RPS6KC1: variants seen among roughly 807,000 people sequenced by gnomAD.
RPS6KC1 encodes inactive ribosomal protein S6 kinase delta-1.
Under a neutral mutation model 103.8 loss-of-function variants are expected in RPS6KC1, and 54 were observed. The observed-to-expected ratio is 0.52, with a 90% CI of 0.42 to 0.65. The LOEUF (loss-of-function observed/expected upper bound fraction) is 0.65. Among genes scored for constraint, RPS6KC1 ranks in the 30% least tolerant of loss-of-function variants. The pLI is 0.00. For missense variants in RPS6KC1, 1,151 were observed against 1,253.8 expected (o/e 0.92, Z 1.24); for synonymous variants, 439 against 438.7 (o/e 1.00, Z -0.01).
the RPS6KC1 span, among the ~76,000 whole-genome samples, chr1:213,664,220 T>C: frequency 3.5e-5 from 5 of 142,790 alleles, no homozygotes; most frequent in Admixed American, 1.5e-4. Context: ...AGGGGAGCGC[T>C]CTGAGAACAC....
intron 2 of RPS6KC1, chr1:213,072,941 C>T: frequency 3.1e-6 from 3 of 975,724 alleles, no homozygotes; most frequent in Non-Finnish European, 3.7e-6. Flanking sequence ...CGGGAAAACT[C>T]TTTTATAATA....
intron 4 of RPS6KC1, among the ~76,000 whole-genome samples, chr1:213,111,030 C>G (rs2082977480): frequency 6.6e-6 from 1 of 152,022 alleles, no homozygotes; most frequent in African/African-American, 2.4e-5. Context: ...TTGCCTTGCC[C>G]TTATATAATT....
the RPS6KC1 span, among the ~76,000 whole-genome samples, chr1:213,528,688 T>G: frequency 1.3e-3 from 195 of 152,264 alleles, no homozygotes; most frequent in African/African-American, 4.6e-3. Flanking sequence ...GGATGTTGAT[T>G]TAATGTCATC....
At chr1:213,323,388 G>C in the RPS6KC1 span, among the ~76,000 whole-genome samples, 2 of 152,190 alleles carry the variant, frequency 1.3e-5, no homozygotes, top group Admixed American at 6.5e-5. Context: ...GATGAAGGTG[G>C]CAGGGGCAAA....
At chr1:213,144,761 A>G (rs2147799240) in intron 6 of RPS6KC1, among the ~76,000 whole-genome samples, 1 of 152,088 alleles carries the variant, frequency 6.6e-6, no homozygotes, top group Non-Finnish European at 1.5e-5. Flanking sequence ...GTAATCCTGA[A>G]TTTTCTAGTA....
chr1:213,657,426 T>TA, the RPS6KC1 span, among the ~76,000 whole-genome samples: 1 of 151,746 alleles, frequency 6.6e-6, no homozygotes, highest in African/African-American at 2.4e-5. Flanking sequence ...TAGATGTAGC[T>TA]AAAAAAAATA....
chr1:213,323,543 TC>T, the RPS6KC1 span, among the ~76,000 whole-genome samples: 1 of 152,110 alleles, frequency 6.6e-6, no homozygotes, highest in Non-Finnish European at 1.5e-5. Flanking sequence ...TAGCATCTGT[TC>T]CTCATCCCCA....
the RPS6KC1 span, among the ~76,000 whole-genome samples, chr1:213,490,780 A>G: frequency 6.6e-6 from 1 of 152,170 alleles, no homozygotes; most frequent in Non-Finnish European, 1.5e-5. Context: ...GGATCTGAAA[A>G]GGTGGCAGCA....
At chr1:213,331,607 G>C in the RPS6KC1 span, among the ~76,000 whole-genome samples, 1 of 152,224 alleles carries the variant, frequency 6.6e-6, no homozygotes, top group Non-Finnish European at 1.5e-5. Context: ...TGCACTGCTT[G>C]TCTGTCACTC....
At chr1:213,761,880 T>A in the RPS6KC1 span, among the ~76,000 whole-genome samples, 6 of 152,144 alleles carry the variant, frequency 3.9e-5, no homozygotes, top group East Asian at 1.9e-4. Flanking sequence ...TGGAACCATG[T>A]CTGAAGTTGG....
chr1:213,556,928 G>A, the RPS6KC1 span, among the ~76,000 whole-genome samples: 3 of 152,142 alleles, frequency 2.0e-5, no homozygotes, highest in Admixed American at 2.0e-4. Context: ...TAATCCAGGT[G>A]GGGTGGGGGG....
At chr1:213,102,790 CT>C (rs2082128207) in intron 3 of RPS6KC1, among the ~76,000 whole-genome samples, 1 of 152,124 alleles carries the variant, frequency 6.6e-6, no homozygotes, top group South Asian at 2.1e-4. Context: ...GTTATAGACC[CT>C]ATCCTTAGAA....
chr1:213,088,403 G>T lies in RPS6KC1; in HGVS notation c.262+10587G>T, dbSNP rs547273979. On this transcript the variant is annotated intron_variant, in intron 3 of 14. Transcript: ENST00000366960. The stretch of plus-strand genomic sequence containing the variant: ...TTTTGAGATGGAGTCTTGCTCTGTT[G>T]CCCAGGCTGGAGTGCAGTGGTGTGA... 4.6e-5 allele frequency among the ~76,000 whole-genome samples: 7 copies of T among 150,588 alleles called. No homozygotes were observed. The East Asian group carries it at 1.2e-3, about 25-fold the overall frequency.
chr1:213,306,545 T>C, the RPS6KC1 span, among the ~76,000 whole-genome samples: 1 of 152,254 alleles, frequency 6.6e-6, no homozygotes, highest in Non-Finnish European at 1.5e-5. Context: ...GATGTCATAA[T>C]GGAGCTCAAG....
At chr1:213,255,741 A>AT (rs1326953947) in intron 12 of RPS6KC1, among the ~76,000 whole-genome samples, 7 of 152,050 alleles carry the variant, frequency 4.6e-5, no homozygotes, top group African/African-American at 1.4e-4. Context: ...AATTGAAAGA[A>AT]TTTTTTTTCT....
the RPS6KC1 span, among the ~76,000 whole-genome samples, chr1:213,716,272 ATGG>A: frequency 6.6e-6 from 1 of 152,250 alleles, no homozygotes; most frequent in African/African-American, 2.4e-5. Flanking sequence ...ACCCACTTGG[ATGG>A]TGCTGAGGAC....
At chr1:213,643,913 C>G in the RPS6KC1 span, among the ~76,000 whole-genome samples, 1 of 151,854 alleles carries the variant, frequency 6.6e-6, no homozygotes, top group African/African-American at 2.4e-5. Flanking sequence ...TTTTTAAACC[C>G]ATTAATTATT....
the RPS6KC1 span, among the ~76,000 whole-genome samples, chr1:213,859,423 C>T: frequency 6.6e-6 from 1 of 152,168 alleles, no homozygotes; most frequent in African/African-American, 2.4e-5. Flanking sequence ...CAGAATGAAG[C>T]TTCTAGGTCA....
the RPS6KC1 span, among the ~76,000 whole-genome samples, chr1:213,786,514 AGGT>A: frequency 9.2e-5 from 14 of 152,318 alleles, no homozygotes; most frequent in Admixed American, 2.6e-4. Context: ...CATACTGGCC[AGGT>A]GTCCTTGGAT....
Sources: allele counts gnomAD v4.1 joint callset (sites outside exome capture counted in the v4.1 genomes callset), GRCh38; gene constraint gnomAD v4.1.1; transcripts MANE v1.5; gene names NCBI Gene and HGNC (gene_info 2026-07-23, HGNC 2026-07-21).